Variants in FANCD2OS observed in about 807,000 individuals in gnomAD.
FANCD2OS encodes the protein FANCD2 opposite strand, also known as FANCD2 opposite strand protein.
In FANCD2OS, 11 loss-of-function variants were observed where a neutral mutation model predicts 13.2. The ratio of observed to expected loss-of-function variants is 0.83; its 90% CI spans 0.52 to 1.38. The LOEUF (loss-of-function observed/expected upper bound fraction) is 1.38. FANCD2OS is among the 40% of genes most tolerant of loss of function. FANCD2OS has a pLI of 0.00. For synonymous variants in FANCD2OS, 69 were observed against 84.5 expected (o/e 0.82, Z 1.01); for missense variants, 217 against 213.9 (o/e 1.01, Z -0.09).
At chr3:10,089,156 A>G (rs1694424099) in intron 2 of FANCD2OS, among the ~76,000 whole-genome samples, 1 of 151,994 alleles carries the variant, frequency 6.6e-6, no homozygotes, top group Non-Finnish European at 1.5e-5. Flanking sequence ...GTGGTGGCAC[A>G]TGCCTGTAAT....
chr3:10,101,064 T>TA, downstream of FANCD2OS: 18 of 701,596 alleles, frequency 2.6e-5, no homozygotes, highest in East Asian at 2.9e-5. Context: ...CAAGACTCCT[T>TA]TAAAAAAAAA....
chr3:10,087,918 A>G (rs549444572), intron 2 of FANCD2OS, among the ~76,000 whole-genome samples: 1 of 152,184 alleles, frequency 6.6e-6, no homozygotes, highest in South Asian at 2.1e-4. Context: ...AAGTGCTGGG[A>G]TTACAGACGT....
At chr3:10,086,960 T>C (rs1694243289) in intron 2 of FANCD2OS, among the ~76,000 whole-genome samples, 1 of 152,200 alleles carries the variant, frequency 6.6e-6, no homozygotes, top group African/African-American at 2.4e-5. Flanking sequence ...TACAAAGGTA[T>C]GGTTTTCTAC....
downstream of FANCD2OS, among the ~76,000 whole-genome samples, chr3:10,098,198 T>C (rs1695092514): frequency 6.6e-6 from 1 of 152,214 alleles, no homozygotes; most frequent in Non-Finnish European, 1.5e-5. Flanking sequence ...GCAGATACTA[T>C]TGTTTCTGCA....
chr3:10,099,129 A>G (rs1273487931), downstream of FANCD2OS: 18 of 1,481,574 alleles, frequency 1.2e-5, no homozygotes, highest in Admixed American at 3.6e-4. Flanking sequence ...AAGTCATCGA[A>G]GTATTTTCTG....
intron 2 of FANCD2OS, chr3:10,085,875 C>T (rs569070151): frequency 6.2e-7 from 1 of 1,613,672 alleles, no homozygotes; most frequent in Non-Finnish European, 8.5e-7. Flanking sequence ...TCCTTAGTAG[C>T]CGACTGAAAC....
Position 10,090,482 on chromosome 3 carries a change from G to A in FANCD2OS, c.*44-8951C>T, listed in dbSNP as rs1226165535. ...TTTTTTTTTTTTTTTCTGAGACAGA[G>A]TCTTGCTTGTTCTGTTGCCCAGACT... On this transcript the variant is annotated intron_variant, in intron 2 of 2. Transcript: ENST00000524279. The A allele has an allele frequency of 8.3e-6, 6 of 725,044 alleles. No individual in the cohort carries two copies. The Admixed American group carries it at 1.3e-4, about 16-fold the overall frequency. The allele number at this position is 725,044 out of a possible 1,614,324, so 44.9% of individuals were successfully genotyped here.
At chr3:10,105,535 G>C (rs1695444780) in intron 1 of FANCD2OS, among the ~76,000 whole-genome samples, 1 of 151,566 alleles carries the variant, frequency 6.6e-6, no homozygotes, top group Admixed American at 6.6e-5. Context: ...CGGATCACTT[G>C]AGGTCAGAGT....
intron 2 of FANCD2OS, chr3:10,092,055 C>T (rs1694643661): frequency 2.5e-6 from 2 of 805,004 alleles, no homozygotes; most frequent in East Asian, 2.4e-5. Flanking sequence ...CTGGTTGCTA[C>T]ATCTAAGGAT....
At chr3:10,090,443 A>ATTTTTTTT (rs773716319) in intron 2 of FANCD2OS, 12 of 342,306 alleles carry the variant, frequency 3.5e-5, no homozygotes, top group African/African-American at 1.5e-4. Flanking sequence ...GAAGTTGCTG[A>ATTTTTTTT]TTTTTTTTTT....
intron 2 of FANCD2OS, chr3:10,081,621 C>T: frequency 1.4e-6 from 1 of 735,626 alleles, no homozygotes; most frequent in East Asian, 2.5e-5. Context: ...TGTATTATTT[C>T]ATTTGATCTT....
chr3:10,082,942 A>G lies in FANCD2OS; in HGVS notation c.*44-1411T>C, dbSNP rs574930710. On this transcript the variant is annotated intron_variant, in intron 2 of 2. Coordinates refer to the FANCD2OS transcript ENST00000524279. ...TATAGATGGCAAATAAACATGTGAA[A>G]GGGGCCTGACATCGTGGCTTATGCC... Among the ~76,000 whole-genome samples, 6 of 152,320 alleles carry G rather than the reference A, an allele frequency of 3.9e-5. No individual in the cohort carries two copies. The South Asian group carries it at 8.3e-4, about 21-fold the overall frequency.
intron 2 of FANCD2OS, chr3:10,095,256 C>G (rs1167739403): frequency 1.2e-6 from 2 of 1,614,118 alleles, no homozygotes; most frequent in East Asian, 2.2e-5. Flanking sequence ...TGCTTCATCA[C>G]CTGTGTGGGC....
At chr3:10,084,086 C>T (rs990322308) in intron 2 of FANCD2OS, among the ~76,000 whole-genome samples, 3 of 151,318 alleles carry the variant, frequency 2.0e-5, no homozygotes, top group Admixed American at 1.3e-4. Context: ...CTCTGCTGCC[C>T]GGGTTCAAGC....
intron 2 of FANCD2OS, among the ~76,000 whole-genome samples, chr3:10,085,040 CA>C (rs1446733393): frequency 1.3e-5 from 2 of 152,220 alleles, no homozygotes; most frequent in African/African-American, 4.8e-5. Flanking sequence ...AAAGGTAATC[CA>C]AAGATAGAAA....
intron 2 of FANCD2OS, chr3:10,088,524 A>G: frequency 6.2e-7 from 1 of 1,606,250 alleles, no homozygotes; most frequent in Non-Finnish European, 8.5e-7. Flanking sequence ...TCTAATGACC[A>G]GCTCCATGCT....
intron 2 of FANCD2OS, among the ~76,000 whole-genome samples, chr3:10,093,724 A>G (rs778028392): frequency 4.6e-5 from 7 of 152,182 alleles, no homozygotes; most frequent in Non-Finnish European, 1.0e-4. Flanking sequence ...TTTTGTGGGA[A>G]TAGCCTGTAT....
rs201719160 is a variant in FANCD2OS at position 10,084,498 on chromosome 3, A to G, written c.*44-2967T>C. Among the ~76,000 whole-genome samples the G allele has an allele frequency of 1.9e-4, 28 of 149,622 alleles. No homozygotes were observed. The East Asian group carries it at 5.4e-3, about 29-fold the overall frequency. Reference sequence around the variant, plus strand: ...TCTTTGGTAGAGACGGGGTTTCGCCATGTTGCCCCCAGGCTGGTCTTGAAC... The same window carrying G: ...TCTTTGGTAGAGACGGGGTTTCGCCGTGTTGCCCCCAGGCTGGTCTTGAAC... On this transcript the variant is annotated intron_variant, in intron 2 of 2. Transcript: ENST00000524279.
downstream of FANCD2OS, among the ~76,000 whole-genome samples, chr3:10,097,953 A>T (rs1291209602): frequency 6.6e-6 from 1 of 151,852 alleles, no homozygotes; most frequent in East Asian, 1.9e-4. Context: ...ACTTCCCGCA[A>T]CAATCTCTAA....
Sources: allele counts gnomAD v4.1 joint callset (sites outside exome capture counted in the v4.1 genomes callset), GRCh38; gene constraint gnomAD v4.1.1; transcripts MANE v1.5; gene names NCBI Gene and HGNC (gene_info 2026-07-23, HGNC 2026-07-21).